BCAS3: variants seen among roughly 807,000 people sequenced by gnomAD.
The protein encoded by BCAS3 is BCAS4/BCAS3 fusion.
BCAS3 carries 53 observed loss-of-function variants against 116.1 expected under a neutral mutation model. The ratio of observed to expected loss-of-function variants is 0.46; its 90% CI spans 0.37 to 0.57. BCAS3 has a LOEUF of 0.57. Ranked by LOEUF, BCAS3 falls within the 20% of genes least tolerant of loss-of-function variation. BCAS3 has a pLI of 0.00. For missense variants in BCAS3, 917 were observed against 1,165.4 expected (o/e 0.79, Z 3.10); for synonymous variants, 391 against 408.2 (o/e 0.96, Z 0.51).
intron 6 of BCAS3, among the ~76,000 whole-genome samples, chr17:60,800,708 A>G (rs1220327040): frequency 2.0e-5 from 3 of 151,996 alleles, no homozygotes; most frequent in Non-Finnish European, 2.9e-5. Context: ...TTTTCTTCTG[A>G]AAGTTGTATA....
At chr17:61,311,660 C>G (rs1382883835) in intron 22 of BCAS3, among the ~76,000 whole-genome samples, 1 of 152,058 alleles carries the variant, frequency 6.6e-6, no homozygotes, top group Non-Finnish European at 1.5e-5. Context: ...TTTGGGAGGC[C>G]GAGGCGGGCA....
intron 22 of BCAS3, among the ~76,000 whole-genome samples, chr17:61,269,602 C>G (rs1413464097): frequency 6.6e-6 from 1 of 152,124 alleles, no homozygotes; most frequent in Non-Finnish European, 1.5e-5. Context: ...TTGTTACTCT[C>G]TGTTACATTT....
chr17:61,045,749 G>T (rs1170810652), intron 19 of BCAS3, among the ~76,000 whole-genome samples: 1 of 134,038 alleles, frequency 7.5e-6, no homozygotes, highest in Non-Finnish European at 1.6e-5. Context: ...TCAGGAGTTG[G>T]AGGTTGCAGT....
intron 7 of BCAS3, among the ~76,000 whole-genome samples, chr17:60,811,934 T>G (rs1325296531): frequency 2.6e-5 from 4 of 152,084 alleles, no homozygotes; most frequent in Non-Finnish European, 5.9e-5. Flanking sequence ...ACGCCTGTGG[T>G]CCCAGCTACT....
At chr17:61,271,042 C>T (rs939255225) in intron 22 of BCAS3, among the ~76,000 whole-genome samples, 14 of 151,864 alleles carry the variant, frequency 9.2e-5, no homozygotes, top group African/African-American at 2.9e-4. Context: ...CAGGCATGAG[C>T]CACCACACCT....
intron 7 of BCAS3, among the ~76,000 whole-genome samples, chr17:60,813,938 G>A (rs1461966399): frequency 6.6e-6 from 1 of 152,136 alleles, no homozygotes; most frequent in East Asian, 1.9e-4. Context: ...TAGCCTTATA[G>A]TATAGTTTGA....
At chr17:61,274,543 C>A (rs2050613786) in intron 22 of BCAS3, among the ~76,000 whole-genome samples, 1 of 152,084 alleles carries the variant, frequency 6.6e-6, no homozygotes, top group African/African-American at 2.4e-5. Context: ...CCCACTGCGG[C>A]CTCCCAAAGT....
chr17:61,115,809 T>C (rs1265578906), intron 22 of BCAS3, among the ~76,000 whole-genome samples: 2 of 150,402 alleles, frequency 1.3e-5, no homozygotes, highest in Non-Finnish European at 3.0e-5. Context: ...TATTGCGGCA[T>C]TATTCACAAT....
chr17:60,977,033 A>T (rs1329658768), intron 14 of BCAS3, among the ~76,000 whole-genome samples: 9 of 151,046 alleles, frequency 6.0e-5, no homozygotes. Flanking sequence ...GGCGCCCCCC[A>T]ACCTCCCAGA....
rs557599951 is a variant in BCAS3 at position 61,335,774 on chromosome 17, A to G, written c.2426-32553A>G. 3.1e-4 allele frequency among the ~76,000 whole-genome samples: 47 copies of G among 152,374 alleles called. 1 individual carries two copies. The South Asian group carries it at 9.5e-3, about 31-fold the overall frequency. ...TGGCTTTGAGAGTTAATTGCCTTTC[A>G]TAGAAACTGGAAGCAAGGGAGAAAA... On this transcript the variant is annotated intron_variant, in intron 22 of 23. Coordinates refer to ENST00000407086, the MANE Select transcript of BCAS3 (RefSeq NM_017679.5).
intron 22 of BCAS3, among the ~76,000 whole-genome samples, chr17:61,294,849 A>C (rs2052744156): frequency 6.6e-6 from 1 of 152,124 alleles, no homozygotes; most frequent in Admixed American, 6.5e-5. Context: ...TTCTCTTGAG[A>C]CTTCTGGTCC....
intron 6 of BCAS3, among the ~76,000 whole-genome samples, chr17:60,765,452 C>T (rs2043993628): frequency 1.3e-5 from 2 of 152,102 alleles, no homozygotes; most frequent in Admixed American, 1.3e-4. Context: ...ACTTATGAAG[C>T]TTAGTTTGGC....
At position 60,769,642 on chromosome 17, in the gene BCAS3, T is replaced by C. The variant is rs139460830; in HGVS notation, c.403+22363T>C. 2.3e-3 allele frequency among the ~76,000 whole-genome samples: 349 copies of C among 152,244 alleles called. 6 individuals carry two copies. The highest frequency in any genetic ancestry group is 0.017 in the East Asian group (88 of 5,174). ...GAATGCAGTTTGCTTGTGCTGTTGGTCCACAGCAGCCTGCAGCAGTGGCAG... is the reference window on the plus strand; with the variant it reads ...GAATGCAGTTTGCTTGTGCTGTTGGCCCACAGCAGCCTGCAGCAGTGGCAG... On this transcript the variant is annotated intron_variant, in intron 6 of 23. Coordinates refer to ENST00000407086, the MANE Select transcript of BCAS3 (RefSeq NM_017679.5).
chr17:60,751,798 C>T (rs2042493061), intron 6 of BCAS3, among the ~76,000 whole-genome samples: 1 of 152,146 alleles, frequency 6.6e-6, no homozygotes, highest in Admixed American at 6.5e-5. Flanking sequence ...CTGCCTCGGC[C>T]TTCCAAAGTG....
chr17:61,140,221 A>G lies in BCAS3; in HGVS notation c.2425+55657A>G, dbSNP rs1417136064. On this transcript the variant is annotated intron_variant, in intron 22 of 23. Coordinates refer to ENST00000407086, the MANE Select transcript of BCAS3 (RefSeq NM_017679.5). The surrounding 1 kb of genome is among the most constrained non-coding windows in gnomAD (Gnocchi z 4.2). Reference sequence around the variant, plus strand: ...CACTGCACTCCAGCCTGGGTGACAGAGCAAGACTCCATCTCAAAAAAAAGG... The same window carrying G: ...CACTGCACTCCAGCCTGGGTGACAGGGCAAGACTCCATCTCAAAAAAAAGG... 6.6e-6 allele frequency among the ~76,000 whole-genome samples: 1 copy of G among 152,206 alleles called. No homozygotes were observed. Among genetic ancestry groups the G allele is most frequent in the African/African-American group, 2.4e-5 (1 of 41,460 alleles).
Position 61,021,593 on chromosome 17 carries a change from A to T in BCAS3, c.1637+5692A>T, listed in dbSNP as rs1194225896. Reference sequence around the variant, plus strand: ...TATAATCTTTTAATCCTTATCATGTATGAGTTTCTACCAGTTCTTTGGTCC... The same window carrying T: ...TATAATCTTTTAATCCTTATCATGTTTGAGTTTCTACCAGTTCTTTGGTCC... On this transcript the variant is annotated intron_variant, in intron 16 of 23. Coordinates refer to ENST00000407086, the MANE Select transcript of BCAS3 (RefSeq NM_017679.5). This position sits in a 1 kb window ranked among gnomAD's most constrained non-coding sequence, Gnocchi z 4.6. 6.6e-6 allele frequency among the ~76,000 whole-genome samples: 1 copy of T among 152,186 alleles called. No homozygotes were observed. Among genetic ancestry groups the T allele is most frequent in the African/African-American group, 2.4e-5 (1 of 41,450 alleles).
chr17:61,084,472 A>G lies in BCAS3; in HGVS notation c.2333A>G (p.Gln778Arg), dbSNP rs2072916311. 6.2e-7 allele frequency: 1 copy of G among 1,609,584 alleles called. No homozygotes were observed. Among genetic ancestry groups the G allele is most frequent in the African/African-American group, 1.3e-5 (1 of 74,736 alleles). The change falls in exon 22 of 24, where the codon CAG becomes CGG. Residue 778 changes from glutamine to arginine, a missense_variant. This residue lies in a region of BCAS3 where 807 missense variants were observed against 1,026.0 expected (regional missense o/e 0.79). Coordinates refer to ENST00000407086, the MANE Select transcript of BCAS3 (RefSeq NM_017679.5). The surrounding 1 kb of genome is among the most constrained non-coding windows in gnomAD (Gnocchi z 5.5). ...TAAATTAAATTGCATTGCAGGATCC[A>G]GCCAGTCCGCTCTGACCCCGTCAGC... The part of the protein sequence containing the change: ...DDLDLNSLRI[Q>R]PVRSDPVSMP...
At chr17:60,710,722 T>A (rs148625571) in intron 5 of BCAS3, among the ~76,000 whole-genome samples, 1 of 151,516 alleles carries the variant, frequency 6.6e-6, no homozygotes, top group Admixed American at 6.6e-5. Context: ...TGAGCCACCA[T>A]GCCTGGCCAA....
At chr17:61,168,442 A>G (rs2078646900) in intron 22 of BCAS3, among the ~76,000 whole-genome samples, 1 of 152,158 alleles carries the variant, frequency 6.6e-6, no homozygotes, top group Non-Finnish European at 1.5e-5. Flanking sequence ...AAGCTAATTT[A>G]TTTTTAACAG....
Sources: gnomAD v4.1 joint callset for allele counts (sites outside exome capture counted in the v4.1 genomes callset) on GRCh38, gnomAD v4.1.1 for gene constraint, gnomAD v4.1.1 regional missense constraint, Gnocchi (gnomAD v3.1) non-coding constraint, MANE v1.5 for transcripts, NCBI Gene and HGNC (gene_info 2026-07-23, HGNC 2026-07-21) for gene names.